Variants in RBFOX1 observed in about 807,000 individuals in gnomAD.
The protein encoded by RBFOX1 is RNA binding fox-1 homolog 1, also known as RNA binding protein fox-1 homolog 1.
RBFOX1 carries 8 observed loss-of-function variants against 57.7 expected under a neutral mutation model. That is an observed-to-expected ratio of 0.14 (90% confidence interval 0.08 to 0.25). RBFOX1 has a LOEUF of 0.25. Ranked by LOEUF, RBFOX1 falls within the 10% of genes least tolerant of loss-of-function variation. The pLI, the probability that RBFOX1 is intolerant of heterozygous loss-of-function variation, is 1.00. For missense variants in RBFOX1, 611 were observed against 548.5 expected, an observed-to-expected ratio of 1.11 and a Z score of -1.14; for synonymous variants, 326 against 222.4, an observed-to-expected ratio of 1.47 and a Z score of -4.15.
At chr16:6,624,112 A>G (rs2098272115) in intron 2 of RBFOX1, among the ~76,000 whole-genome samples, 2 of 152,176 alleles carry the variant, frequency 1.3e-5, no homozygotes, top group African/African-American at 2.4e-5. Flanking sequence ...AAAGGGAGAT[A>G]CGGACAACAC....
chr16:7,166,603 T>C (rs1443665133), intron 4 of RBFOX1, among the ~76,000 whole-genome samples: 1 of 152,098 alleles, frequency 6.6e-6, no homozygotes, highest in Non-Finnish European at 1.5e-5. Flanking sequence ...GTGTGCCTTG[T>C]TGTTGTCATG....
At chr16:6,086,181 C>T (rs141941676) in intron 1 of RBFOX1, among the ~76,000 whole-genome samples, 71 of 152,226 alleles carry the variant, frequency 4.7e-4, no homozygotes, top group African/African-American at 1.6e-3. Flanking sequence ...GCATAGTATT[C>T]CATGGTGTAT....
At chr16:7,561,197 GTC>G (rs1229376534) in intron 5 of RBFOX1, among the ~76,000 whole-genome samples, 1 of 152,194 alleles carries the variant, frequency 6.6e-6, no homozygotes, top group African/African-American at 2.4e-5. Context: ...CCAGCCCACT[GTC>G]TCTGCTTTTA....
chr16:7,687,490 A>G (rs904471454), intron 14 of RBFOX1, among the ~76,000 whole-genome samples: 2 of 151,986 alleles, frequency 1.3e-5, no homozygotes, highest in Non-Finnish European at 2.9e-5. Context: ...TGAGGGCTGA[A>G]TGATGTGAGT....
chr16:6,935,758 A>T (rs1214830949), intron 3 of RBFOX1, among the ~76,000 whole-genome samples: 1 of 152,178 alleles, frequency 6.6e-6, no homozygotes, highest in East Asian at 1.9e-4. Flanking sequence ...AAGAATGGAA[A>T]GTGCTTTGTA....
At chr16:5,503,123 AG>A (rs35473820) in intron 2 of RBFOX1, among the ~76,000 whole-genome samples, 2 of 152,204 alleles carry the variant, frequency 1.3e-5, no homozygotes, top group Non-Finnish European at 2.9e-5. Flanking sequence ...CCACACCCCC[AG>A]GGTGGAGCCG....
intron 1 of RBFOX1, among the ~76,000 whole-genome samples, chr16:6,113,501 G>A (rs1320259871): frequency 6.6e-6 from 1 of 152,200 alleles, no homozygotes; most frequent in Non-Finnish European, 1.5e-5. Flanking sequence ...TGGTACTGTG[G>A]CAGCCATCCT....
At chr16:5,827,386 C>G (rs1187464053) in intron 3 of RBFOX1, among the ~76,000 whole-genome samples, 2 of 118,152 alleles carry the variant, frequency 1.7e-5, no homozygotes, top group East Asian at 2.4e-4. Context: ...GATGACAGAG[C>G]AAGACTCCAT....
At chr16:5,990,436 A>T (rs2060372635) in intron 4 of RBFOX1, among the ~76,000 whole-genome samples, 1 of 152,236 alleles carries the variant, frequency 6.6e-6, no homozygotes, top group Non-Finnish European at 1.5e-5. Flanking sequence ...ACTTATTCAC[A>T]TTCGAGGATC....
At chr16:6,305,408 C>T (rs1040568096) in intron 1 of RBFOX1, among the ~76,000 whole-genome samples, 4 of 152,074 alleles carry the variant, frequency 2.6e-5, no homozygotes, top group African/African-American at 9.7e-5. Context: ...AGATGCTCCT[C>T]CTCCTCCTTC....
intron 4 of RBFOX1, among the ~76,000 whole-genome samples, chr16:7,513,821 C>T (rs1263829876): frequency 1.3e-5 from 2 of 152,164 alleles, no homozygotes; most frequent in African/African-American, 2.4e-5. Flanking sequence ...CCCACTTATG[C>T]AGATTTAAAG....
chr16:5,882,426 T>C (rs1049640531), intron 4 of RBFOX1, among the ~76,000 whole-genome samples: 3 of 152,168 alleles, frequency 2.0e-5, no homozygotes, highest in Non-Finnish European at 2.9e-5. Flanking sequence ...CCCCCTCCCA[T>C]TGGCCAGAAC....
intron 4 of RBFOX1, among the ~76,000 whole-genome samples, chr16:7,254,970 TGTTTTCCACA>T (rs2094619389): frequency 2.0e-5 from 3 of 152,160 alleles, no homozygotes; most frequent in Non-Finnish European, 2.9e-5. Context: ...AATAAGAAGG[TGTTTTCCACA>T]GTTTTCTTGA....
intron 4 of RBFOX1, among the ~76,000 whole-genome samples, chr16:7,203,340 G>A (rs1209897664): frequency 1.3e-5 from 2 of 152,196 alleles, no homozygotes; most frequent in East Asian, 3.8e-4. Flanking sequence ...GTAGTGAAAA[G>A]CAGAGAGTCA....
chr16:6,905,376 A>C (rs1377504579), intron 3 of RBFOX1, among the ~76,000 whole-genome samples: 1 of 151,966 alleles, frequency 6.6e-6, no homozygotes, highest in East Asian at 1.9e-4. Flanking sequence ...AACAAGGCAA[A>C]ACCCCACCTC....
chr16:5,552,570 A>C (rs978032423), intron 2 of RBFOX1, among the ~76,000 whole-genome samples: 1 of 152,222 alleles, frequency 6.6e-6, no homozygotes, highest in Non-Finnish European at 1.5e-5. Context: ...CTCCACCCAC[A>C]GGAATTTCAA....
chr16:5,312,055 G>A (rs2064105588), intron 1 of RBFOX1, among the ~76,000 whole-genome samples: 2 of 152,232 alleles, frequency 1.3e-5, no homozygotes, highest in African/African-American at 4.8e-5. Flanking sequence ...GGGCTCAGGA[G>A]GGGCTGCATG....
intron 3 of RBFOX1, among the ~76,000 whole-genome samples, chr16:6,937,602 C>T (rs780126424): frequency 2.6e-5 from 4 of 152,056 alleles, no homozygotes; most frequent in Non-Finnish European, 5.9e-5. Flanking sequence ...TAATCAAATA[C>T]ATGTGAGATT....
intron 4 of RBFOX1, among the ~76,000 whole-genome samples, chr16:7,421,934 T>G (rs948170667): frequency 6.6e-6 from 1 of 152,236 alleles, no homozygotes. Flanking sequence ...CACATTATTT[T>G]ATGTCATGCC....
Sources: allele counts gnomAD v4.1 joint callset (sites outside exome capture counted in the v4.1 genomes callset), GRCh38; gene constraint gnomAD v4.1.1; transcripts MANE v1.5; gene names NCBI Gene and HGNC (gene_info 2026-07-23, HGNC 2026-07-21).